The following PPARA variants were observed in gnomAD, a reference collection of about 807,000 sequenced individuals.
The protein encoded by PPARA is peroxisome proliferator activated receptor alpha.
Under a neutral mutation model 42.2 loss-of-function variants are expected in PPARA, and 22 were observed. That is an observed-to-expected ratio of 0.52 (90% CI 0.37 to 0.74). The LOEUF (loss-of-function observed/expected upper bound fraction) is 0.74, where lower values mean the gene tolerates loss of function less well. Ranked by LOEUF, PPARA falls within the 30% of genes least tolerant of loss-of-function variation. The pLI is 0.00. For synonymous variants in PPARA, 242 were observed against 239.3 expected (o/e 1.01, Z -0.10); for missense variants, 465 against 608.2 (o/e 0.76, Z 2.48).
In PPARA at chr22:46,224,115, A is replaced by G. The variant is rs928045189; in HGVS notation, c.711+4101A>G. ...ACCGCAGGTACCAGTTTTCAAGGCA[A>G]CCTCCAACCATCATGTGACTCTTTG... is the stretch of plus-strand genomic sequence containing the variant. On this transcript the variant is annotated intron_variant, in intron 7 of 8. Coordinates refer to ENST00000407236, the MANE Select transcript of PPARA (RefSeq NM_005036.6). The surrounding 1 kb of genome is among the most constrained non-coding windows in gnomAD (Gnocchi z 5.7). Among the ~76,000 whole-genome samples, 5 of 152,086 alleles carry G rather than the reference A, an allele frequency of 3.3e-5. No individual in the cohort carries two copies.
At chr22:46,185,621 G>T (rs575330211) in intron 3 of PPARA, among the ~76,000 whole-genome samples, 1 of 151,788 alleles carries the variant, frequency 6.6e-6, no homozygotes, top group African/African-American at 2.4e-5. Flanking sequence ...CTGGCTGGGC[G>T]CGGTGGCTCA....
chr22:46,175,312 A>G lies in PPARA; in HGVS notation c.-126-1441A>G, dbSNP rs573928283. Among the ~76,000 whole-genome samples, 490 of 152,146 alleles carry G rather than the reference A, an allele frequency of 3.2e-3. 2 individuals carry two copies. The highest frequency in any genetic ancestry group is 4.9e-3 in the Non-Finnish European group (331 of 68,026). On this transcript the variant is annotated intron_variant, in intron 2 of 8. Transcript: ENST00000407236. ...AAGATACATAATGTTTCCATCACCA[A>G]TCAGTGGTCATGGTGCCTTTTATAG...
Position 46,231,081 on chromosome 22 carries a change from GCT to G in PPARA, c.712-708_712-707del, listed in dbSNP as rs1935831188. On this transcript the variant is annotated intron_variant, in intron 7 of 8. Transcript: ENST00000407236. This position sits in a 1 kb window ranked among gnomAD's most constrained non-coding sequence, Gnocchi z 7.7. ...TTTTTTGAGACGGAGTCTTACTCTCGCTCTGTCGCCCAGACTGGAGACTGGAG... is the reference window on the plus strand; with the variant it reads ...TTTTTTGAGACGGAGTCTTACTCTCGCTGTCGCCCAGACTGGAGACTGGAG... 6.6e-6 allele frequency among the ~76,000 whole-genome samples: 1 copy of G among 151,730 alleles called. No homozygotes were observed. Among genetic ancestry groups the G allele is most frequent in the Admixed American group, 6.6e-5 (1 of 15,212 alleles).
chr22:46,221,472 A>G lies in PPARA; in HGVS notation c.711+1458A>G, dbSNP rs1934996882. 6.6e-6 allele frequency among the ~76,000 whole-genome samples: 1 copy of G among 152,188 alleles called. No individual in the cohort carries two copies. Among genetic ancestry groups the G allele is most frequent in the African/African-American group, 2.4e-5 (1 of 41,462 alleles). On this transcript the variant is annotated intron_variant, in intron 7 of 8. Transcript: ENST00000407236. This position sits in a 1 kb window ranked among gnomAD's most constrained non-coding sequence, Gnocchi z 5.9. The stretch of plus-strand genomic sequence containing the variant: ...ATGCCTACATTCTTTTTCCGCCTTC[A>G]GTGAAAAGACAGTGACATCTTGGGG...
chr22:46,179,509 A>G (rs1240798257), intron 3 of PPARA, among the ~76,000 whole-genome samples: 4 of 152,234 alleles, frequency 2.6e-5, no homozygotes, highest in Admixed American at 6.5e-5. Flanking sequence ...ATGGTTATCC[A>G]TATGCCCAAA....
chr22:46,228,523 G>T (rs537899779), intron 7 of PPARA, among the ~76,000 whole-genome samples: 83 of 152,094 alleles, frequency 5.5e-4, no homozygotes, highest in African/African-American at 1.9e-3. Context: ...GCAACAGAGC[G>T]AGACTCCGTC....
chr22:46,210,494 G>A (rs1380655798), intron 4 of PPARA, among the ~76,000 whole-genome samples: 1 of 151,116 alleles, frequency 6.6e-6, no homozygotes, highest in Non-Finnish European at 1.5e-5. Context: ...CCAGGCTGTA[G>A]TGCGATGGCA....
Position 46,232,030 on chromosome 22 carries a change from T to C in PPARA, c.950T>C (p.Ile317Thr). Residue 317 changes from isoleucine (I) to threonine (T), a missense_variant, in exon 8 of 9, where the codon ATA becomes ACA. Physicochemically the swap from Ile to Thr is moderately conservative, Grantham distance 89. Around this residue, in one of 2 missense-constraint regions of PPARA, gnomAD observed 313 missense variants for 469.1 expected, o/e 0.67. Transcript: ENST00000407236. This position sits in a 1 kb window ranked among gnomAD's most constrained non-coding sequence, Gnocchi z 5.3. ...CTAAAATACGGAGTTTATGAGGCCA[T>C]ATTCGCCATGCTGTCTTCTGTGATG... ...TLLKYGVYEA[I>T]FAMLSSVMNK... is the part of the protein sequence containing the mutation. 6.2e-7 allele frequency: 1 copy of C among 1,614,228 alleles called. No individual in the cohort carries two copies. Among genetic ancestry groups the C allele is most frequent in the Non-Finnish European group, 8.5e-7 (1 of 1,180,040 alleles).
rs1934483922 is a variant in PPARA, at chr22:46,216,335, A to G, written c.369+1002A>G. Among the ~76,000 whole-genome samples, 1 of 151,626 alleles carries G rather than the reference A, an allele frequency of 6.6e-6. No homozygotes were observed. The highest frequency in any genetic ancestry group is 2.4e-5 in the African/African-American group (1 of 41,256). ...GAGGCGGAGGTTGCAGTGAGCTGAGATCGAGCCATTTCACTCCAGCCTAGG... is the reference window on the plus strand; with the variant it reads ...GAGGCGGAGGTTGCAGTGAGCTGAGGTCGAGCCATTTCACTCCAGCCTAGG... On this transcript the variant is annotated intron_variant, in intron 5 of 8. Transcript: ENST00000407236. This position sits in a 1 kb window ranked among gnomAD's most constrained non-coding sequence, Gnocchi z 4.5.
intron 5 of PPARA, 109 bp from the exon 6 acceptor site, chr22:46,218,154 G>A (rs750174720): frequency 6.0e-5 from 85 of 1,410,604 alleles, no homozygotes; most frequent in Non-Finnish European, 7.8e-5. Context: ...TCTAAATTTT[G>A]TTCATTTAAA....
At position 46,218,376 on chromosome 22, in the gene PPARA, C is replaced by T; in HGVS notation, c.483C>T (p.Cys161=). 1 of 1,614,068 alleles carries T rather than the reference C, an allele frequency of 6.2e-7. No individual in the cohort carries two copies. The highest frequency in any genetic ancestry group is 1.1e-5 in the South Asian group (1 of 91,076). Residue 161 remains cysteine (C), a synonymous_variant, in exon 6 of 9, where the codon TGC becomes TGT. Transcript: ENST00000407236. ...GCCAGTATTGTCGATTTCACAAGTG[C>T]CTTTCTGTCGGGATGTCACACAACG... The part of the protein sequence containing the change: ...NKCQYCRFHK[C]LSVGMSHNAI...
chr22:46,224,865 A>G lies in PPARA; in HGVS notation c.711+4851A>G, dbSNP rs1418362704. ...TGGTTTGCTATAAGCGGGGGACTGA[A>G]TTTCTCTTTGCAGTGGCCAATGCCT... On this transcript the variant is annotated intron_variant, in intron 7 of 8. Transcript: ENST00000407236. The surrounding 1 kb of genome is among the most constrained non-coding windows in gnomAD (Gnocchi z 5.7). Among the ~76,000 whole-genome samples, 2 of 151,890 alleles carry G rather than the reference A, an allele frequency of 1.3e-5. No individual in the cohort carries two copies. Among genetic ancestry groups the G allele is most frequent in the Non-Finnish European group, 2.9e-5 (2 of 68,008 alleles).
chr22:46,177,463 CAA>C (rs34148860), intron 3 of PPARA, among the ~76,000 whole-genome samples: 9,514 of 86,234 alleles, frequency 0.11, 922 homozygotes, highest in African/African-American at 0.29. Context: ...GACTCCATCT[CAA>C]AAAAAAAAAA....
At position 46,240,320 on chromosome 22, in the gene PPARA, G is replaced by C. The variant is rs1936338584; in HGVS notation, c.*4940G>C. 2.5e-6 allele frequency: 1 copy of C among 398,414 alleles called. No individual in the cohort carries two copies. The highest frequency in any genetic ancestry group is 2.1e-5 in the African/African-American group (1 of 48,746). 24.7% of individuals were successfully genotyped at this position (398,414 alleles called of 1,614,324 possible). On this transcript the variant is annotated 3_prime_UTR_variant, in exon 9 of 9. Coordinates refer to ENST00000407236, the MANE Select transcript of PPARA (RefSeq NM_005036.6). This position sits in a 1 kb window ranked among gnomAD's most constrained non-coding sequence, Gnocchi z 6.0. ...CCAGATGTAGGGCCTGCTGGGTGTTGCTAGCCGCTGGTCCCCAGGCACGGT... is the reference window on the plus strand; with the variant it reads ...CCAGATGTAGGGCCTGCTGGGTGTTCCTAGCCGCTGGTCCCCAGGCACGGT...
At position 46,162,425 on chromosome 22, in the gene PPARA, C is replaced by T. The variant is rs954795937; in HGVS notation, c.-127+10455C>T. Among the ~76,000 whole-genome samples the T allele has an allele frequency of 1.3e-5, 2 of 152,218 alleles. No homozygotes were observed. The highest frequency in any genetic ancestry group is 4.8e-5 in the African/African-American group (2 of 41,450). On this transcript the variant is annotated intron_variant, in intron 2 of 8. Transcript: ENST00000407236. The surrounding 1 kb of genome is among the most constrained non-coding windows in gnomAD (Gnocchi z 6.0). ...TGCCGGAGACACACTCCCTTACCCTCATACCCCGCCGCACCCCTGTGACCT... is the reference window on the plus strand; with the variant it reads ...TGCCGGAGACACACTCCCTTACCCTTATACCCCGCCGCACCCCTGTGACCT...
chr22:46,171,371 A>AC lies in PPARA; in HGVS notation c.-126-5379dup, dbSNP rs1319884481. ...TACGTAAGTGAACAAAACCCATGAC[A>AC]CCCTCGTCTATGAGAGCTGATCCTC... On this transcript the variant is annotated intron_variant, in intron 2 of 8. Coordinates refer to ENST00000407236, the MANE Select transcript of PPARA (RefSeq NM_005036.6). This position sits in a 1 kb window ranked among gnomAD's most constrained non-coding sequence, Gnocchi z 5.0. 6.6e-6 allele frequency: 1 copy of AC among 152,234 alleles called. No individual in the cohort carries two copies. Among genetic ancestry groups the AC allele is most frequent in the Non-Finnish European group, 1.5e-5 (1 of 68,108 alleles). 9.4% of individuals were successfully genotyped at this position (152,234 alleles called of 1,614,324 possible).
Position 46,232,267 on chromosome 22 carries a change from T to G in PPARA, c.1159+28T>G. On this transcript the variant is annotated intron_variant, in intron 8 of 8. Transcript: ENST00000407236. This position sits in a 1 kb window ranked among gnomAD's most constrained non-coding sequence, Gnocchi z 5.3. ...GAGTGGTTGATTTAATCTGCTGGTATCATGTCACTGACAGGCTCCTGTCTT... is the reference window on the plus strand; with the variant it reads ...GAGTGGTTGATTTAATCTGCTGGTAGCATGTCACTGACAGGCTCCTGTCTT... 1 of 1,608,412 alleles carries G rather than the reference T, an allele frequency of 6.2e-7. No individual in the cohort carries two copies. Among genetic ancestry groups the G allele is most frequent in the Non-Finnish European group, 8.5e-7 (1 of 1,174,876 alleles).
Position 46,198,409 on chromosome 22 carries a change from G to C in PPARA, c.26G>C (p.Cys9Ser). 1.2e-6 allele frequency: 2 copies of C among 1,613,834 alleles called. No individual in the cohort carries two copies. Among genetic ancestry groups the C allele is most frequent in the Non-Finnish European group, 1.7e-6 (2 of 1,179,922 alleles). The change falls in exon 4 of 9, where the codon TGC (cysteine) becomes TCC (serine). Residue 9 changes from cysteine to serine, a missense_variant. By Grantham distance (112) the Cys-to-Ser change is moderately radical (BLOSUM62 -1). Coordinates refer to ENST00000407236, the MANE Select transcript of PPARA (RefSeq NM_005036.6). Reference protein sequence around the residue: MVDTESPLCPLSPLEAGDL... With the variant: MVDTESPLSPLSPLEAGDL... ...ATGGTGGACACGGAAAGCCCACTCTGCCCCCTCTCCCCACTCGAGGCCGGC... is the reference window on the plus strand; with the variant it reads ...ATGGTGGACACGGAAAGCCCACTCTCCCCCCTCTCCCCACTCGAGGCCGGC...
At position 46,216,053 on chromosome 22, in the gene PPARA, G is replaced by A. The variant is rs4253740; in HGVS notation, c.369+720G>A. Among the ~76,000 whole-genome samples, 909 of 152,304 alleles carry A rather than the reference G, an allele frequency of 6.0e-3. 12 individuals are homozygous for A. The highest frequency in any genetic ancestry group is 0.021 in the African/African-American group (864 of 41,560). On this transcript the variant is annotated intron_variant, in intron 5 of 8. Transcript: ENST00000407236. This position sits in a 1 kb window ranked among gnomAD's most constrained non-coding sequence, Gnocchi z 4.5. The stretch of plus-strand genomic sequence containing the variant: ...AGGACAAATGGTTCCTCTGTGCTTT[G>A]TAAATACTTAGAGAAGTGCATTCTT...
Sources: gnomAD v4.1 joint callset for allele counts (sites outside exome capture counted in the v4.1 genomes callset) on GRCh38, gnomAD v4.1.1 for gene constraint, gnomAD v4.1.1 regional missense constraint, Gnocchi (gnomAD v3.1) non-coding constraint, MANE v1.5 for transcripts, NCBI Gene and HGNC (gene_info 2026-07-23, HGNC 2026-07-21) for gene names.